The following ICA1 variants were observed in gnomAD, a reference collection of about 807,000 sequenced individuals.
ICA1 encodes 69 kDa islet cell autoantigen.
Under a neutral mutation model 71.0 loss-of-function variants are expected in ICA1, and 40 were observed. That is an observed-to-expected ratio of 0.56 (90% confidence interval 0.44 to 0.73). The LOEUF (loss-of-function observed/expected upper bound fraction) is 0.73, where lower values mean the gene tolerates loss of function less well. Among genes scored for constraint, ICA1 ranks in the 30% least tolerant of loss-of-function variants. ICA1 has a pLI of 0.00. For synonymous variants in ICA1, 207 were observed against 209.5 expected, an observed-to-expected ratio of 0.99 and a Z score of 0.10; for missense variants, 578 against 576.5, an observed-to-expected ratio of 1.00 and a Z score of -0.03.
At chr7:8,175,627 G>C (rs981923901) in intron 6 of ICA1, among the ~76,000 whole-genome samples, 58 of 152,100 alleles carry the variant, frequency 3.8e-4, no homozygotes, top group African/African-American at 1.4e-3. Context: ...CTCATTTTCA[G>C]ATAATAGTGG....
intron 6 of ICA1, among the ~76,000 whole-genome samples, chr7:8,201,102 G>T (rs1034492130): frequency 6.6e-6 from 1 of 152,130 alleles, no homozygotes; most frequent in Admixed American, 6.5e-5. Flanking sequence ...ATATATCAAC[G>T]TGGTTTTCTA....
rs77241633 is a variant in ICA1, at chr7:8,134,679, C to T, written c.1060+4161G>A. On this transcript the variant is annotated intron_variant, in intron 12 of 13. Coordinates refer to ENST00000402384, the MANE Select transcript of ICA1 (RefSeq NM_001136020.3). ...GGAAGATAGGGAGGAAAACACCTTA[C>T]GAAAATGGCTAACAAGAAAAACATA... Among the ~76,000 whole-genome samples the T allele has an allele frequency of 5.9e-3, 894 of 152,194 alleles. 48 individuals are homozygous for T. In the South Asian group the frequency reaches 0.11, roughly 19 times the overall value.
intron 6 of ICA1, among the ~76,000 whole-genome samples, chr7:8,202,132 T>A (rs1789928941): frequency 6.6e-6 from 1 of 152,220 alleles, no homozygotes; most frequent in Non-Finnish European, 1.5e-5. Flanking sequence ...ACATTTAAAC[T>A]GAAACAACAG....
In ICA1 at chr7:8,170,655, C is replaced by T. The variant is rs959095286; in HGVS notation, c.580-12003G>A. 2.6e-5 allele frequency among the ~76,000 whole-genome samples: 4 copies of T among 152,028 alleles called. 1 individual carries two copies. The highest frequency in any genetic ancestry group is 6.6e-5 in the Admixed American group (1 of 15,256). ...GAAATATAATTAATTTTTATAACTTCAGCTTGTATACTGTGACCTTGCAAA... is the reference window on the plus strand; with the variant it reads ...GAAATATAATTAATTTTTATAACTTTAGCTTGTATACTGTGACCTTGCAAA... On this transcript the variant is annotated intron_variant, in intron 6 of 13. Coordinates refer to ENST00000402384, the MANE Select transcript of ICA1 (RefSeq NM_001136020.3).
chr7:8,247,792 G>A (rs960978990), intron 1 of ICA1, among the ~76,000 whole-genome samples: 3 of 152,200 alleles, frequency 2.0e-5, no homozygotes, highest in African/African-American at 4.8e-5. Flanking sequence ...AGGCAGTGAA[G>A]TTAGCTGATG....
intron 13 of ICA1, among the ~76,000 whole-genome samples, chr7:8,122,330 G>A (rs150740290): frequency 3.9e-4 from 59 of 152,348 alleles, no homozygotes; most frequent in Non-Finnish European, 5.7e-4. Context: ...GCCATGCTGA[G>A]GAGTTTAGAC....
chr7:8,258,630 T>A (rs1352410983), intron 1 of ICA1, among the ~76,000 whole-genome samples: 3 of 152,226 alleles, frequency 2.0e-5, no homozygotes, highest in Non-Finnish European at 2.9e-5. Flanking sequence ...TGGCCTACAG[T>A]CACATAGTAG....
chr7:8,196,052 T>A (rs1405777289), intron 6 of ICA1, among the ~76,000 whole-genome samples: 1 of 152,116 alleles, frequency 6.6e-6, no homozygotes, highest in Non-Finnish European at 1.5e-5. Flanking sequence ...CATAAGAACC[T>A]ATACATGAAT....
chr7:8,230,984 A>C (rs548989573), intron 3 of ICA1, among the ~76,000 whole-genome samples: 1 of 152,268 alleles, frequency 6.6e-6, no homozygotes, highest in South Asian at 2.1e-4. Context: ...AGTGGAGGGA[A>C]GGTGGGCAAA....
At chr7:8,176,387 G>A (rs1445189696) in intron 6 of ICA1, among the ~76,000 whole-genome samples, 1 of 152,124 alleles carries the variant, frequency 6.6e-6, no homozygotes, top group Non-Finnish European at 1.5e-5. Flanking sequence ...TTCCTGTAAT[G>A]CCCCTCAGCA....
intron 6 of ICA1, among the ~76,000 whole-genome samples, chr7:8,170,284 T>C (rs1807820356): frequency 6.6e-6 from 1 of 152,070 alleles, no homozygotes; most frequent in African/African-American, 2.4e-5. Flanking sequence ...GTATAAATCT[T>C]ACTCTTTTGT....
chr7:8,145,660 A>G (rs1796588469), intron 8 of ICA1, among the ~76,000 whole-genome samples: 1 of 150,888 alleles, frequency 6.6e-6, no homozygotes, highest in Non-Finnish European at 1.5e-5. Context: ...AGTAAAAATT[A>G]CTCATAATTC....
intron 7 of ICA1, chr7:8,157,695 A>ATTTTCT (rs112428493): frequency 0.055 from 7,685 of 139,936 alleles, 680 homozygotes; most frequent in African/African-American, 0.14. Flanking sequence ...CCTAGTCTTA[A>ATTTTCT]TTTTTTTTTT....
At chr7:8,227,537 C>G (rs1343074712) in intron 4 of ICA1, 1 of 274,122 alleles carries the variant, frequency 3.6e-6, no homozygotes, top group Non-Finnish European at 7.2e-6. Context: ...TTAGGAAATA[C>G]TAACATAGAT....
At chr7:8,125,785 C>A (rs1361675830) in intron 13 of ICA1, among the ~76,000 whole-genome samples, 6 of 152,208 alleles carry the variant, frequency 3.9e-5, no homozygotes, top group Non-Finnish European at 8.8e-5. Context: ...AGTAGGATGG[C>A]AACCTCAAAT....
At chr7:8,141,274 T>A (rs1795141851) in intron 10 of ICA1, among the ~76,000 whole-genome samples, 1 of 152,160 alleles carries the variant, frequency 6.6e-6, no homozygotes, top group Non-Finnish European at 1.5e-5. Context: ...ACCTGAGGGA[T>A]CAGGGGTTGC....
At chr7:8,122,706 C>T (rs1787483378) in intron 13 of ICA1, among the ~76,000 whole-genome samples, 1 of 152,234 alleles carries the variant, frequency 6.6e-6, no homozygotes, top group Admixed American at 6.5e-5. Context: ...ACGGAGATAA[C>T]CCGAAGCCTG....
chr7:8,155,850 G>C (rs987419565), intron 8 of ICA1, among the ~76,000 whole-genome samples: 1 of 152,164 alleles, frequency 6.6e-6, no homozygotes, highest in South Asian at 2.1e-4. Flanking sequence ...ACCAACAACG[G>C]TAACATTGCC....
At chr7:8,235,808 A>T in intron 2 of ICA1, 102 bp downstream of exon 2, 1 of 1,205,736 alleles carries the variant, frequency 8.3e-7, no homozygotes, top group South Asian at 1.3e-5. Context: ...CATGATACTT[A>T]CTGCCAATGT....
Sources: allele counts gnomAD v4.1 joint callset (sites outside exome capture counted in the v4.1 genomes callset), GRCh38; gene constraint gnomAD v4.1.1; transcripts MANE v1.5; gene names NCBI Gene and HGNC (gene_info 2026-07-23, HGNC 2026-07-21).